FBXL13: variants seen among roughly 807,000 people sequenced by gnomAD.
FBXL13 encodes the protein F-box and leucine rich repeat protein 13, also known as F-box and leucine-rich repeat protein 13.
In FBXL13, 67 loss-of-function variants were observed where a neutral mutation model predicts 83.6. The observed-to-expected ratio is 0.80, with a 90% confidence interval of 0.66 to 0.98. The LOEUF (loss-of-function observed/expected upper bound fraction) is 0.98. Ranked by LOEUF, FBXL13 falls within the 50% of genes least tolerant of loss-of-function variation. FBXL13 has a pLI of 0.00. For missense variants in FBXL13, 822 were observed against 866.5 expected (o/e 0.95, Z 0.64); for synonymous variants, 272 against 299.5 (o/e 0.91, Z 0.95).
At chr7:103,043,566 T>C (rs920671950) in intron 2 of FBXL13, among the ~76,000 whole-genome samples, 4 of 152,182 alleles carry the variant, frequency 2.6e-5, no homozygotes, top group African/African-American at 9.6e-5. Context: ...GGCCGGAGTC[T>C]AATGGCATGA....
At chr7:102,914,717 G>C (rs887054756) in intron 10 of FBXL13, among the ~76,000 whole-genome samples, 2 of 152,244 alleles carry the variant, frequency 1.3e-5, no homozygotes, top group African/African-American at 2.4e-5. Flanking sequence ...GACAGAGCGA[G>C]GGGGAAGGCT....
At chr7:102,953,833 T>C (rs1170465139) in intron 8 of FBXL13, among the ~76,000 whole-genome samples, 1 of 152,186 alleles carries the variant, frequency 6.6e-6, no homozygotes, top group African/African-American at 2.4e-5. Context: ...GTCCATTTCC[T>C]TCCTTCAGAA....
chr7:102,919,661 A>G (rs1207567317), intron 10 of FBXL13, among the ~76,000 whole-genome samples: 1 of 152,232 alleles, frequency 6.6e-6, no homozygotes, highest in Non-Finnish European at 1.5e-5. Flanking sequence ...ATCAAAGTTT[A>G]TGGACCAATA....
chr7:102,954,535 C>T (rs999873033), intron 8 of FBXL13, among the ~76,000 whole-genome samples: 5 of 152,196 alleles, frequency 3.3e-5, no homozygotes, highest in African/African-American at 1.2e-4. Flanking sequence ...AACATTCACA[C>T]ATCACAATAT....
rs1159596470 is a variant in FBXL13 at position 103,028,440 on chromosome 7, T to C, written c.217+160A>G. Among the ~76,000 whole-genome samples, 6 of 152,198 alleles carry C rather than the reference T, an allele frequency of 3.9e-5. No individual in the cohort carries two copies. In the East Asian group the frequency reaches 1.2e-3, roughly 29 times the overall value. On this transcript the variant is annotated intron_variant, in intron 4 of 19. Transcript: ENST00000313221. ...TAAAATCCTTTGAGACAAATCTCCT[T>C]AAGTATTTTTAAATTAGCAGCTCTA...
chr7:102,948,656 C>A (rs956964186), intron 8 of FBXL13, among the ~76,000 whole-genome samples: 16 of 151,512 alleles, frequency 1.1e-4, no homozygotes, highest in Admixed American at 3.3e-4. Context: ...ATCTCCTGAC[C>A]TGTGATCTGC....
chr7:102,865,520 T>C (rs1358810710), intron 16 of FBXL13, among the ~76,000 whole-genome samples: 1 of 151,978 alleles, frequency 6.6e-6, no homozygotes, highest in Admixed American at 6.6e-5. Context: ...TTACTTATTT[T>C]TGTGTTTTTT....
chr7:102,937,120 A>ATGTG (rs1468841418), intron 8 of FBXL13, among the ~76,000 whole-genome samples: 40 of 152,216 alleles, frequency 2.6e-4, no homozygotes, highest in African/African-American at 8.9e-4. Flanking sequence ...CACTTAGTAT[A>ATGTG]TGTAACACTG....
intron 1 of FBXL13, among the ~76,000 whole-genome samples, chr7:103,063,748 T>C (rs2129500997): frequency 7.4e-6 from 1 of 134,392 alleles, no homozygotes; most frequent in African/African-American, 2.7e-5. Flanking sequence ...AGAGACAGTC[T>C]CTCACTATGT....
At position 103,070,612 on chromosome 7, in the gene FBXL13, C is replaced by T. The variant is rs1006380089; in HGVS notation, c.-105+3634G>A. 6.6e-5 allele frequency among the ~76,000 whole-genome samples: 10 copies of T among 151,838 alleles called. 1 individual carries two copies. The South Asian group carries it at 1.9e-3, about 28-fold the overall frequency. On this transcript the variant is annotated intron_variant, in intron 1 of 19. Coordinates refer to ENST00000313221, the Ensembl canonical transcript of FBXL13. ...AATTTATAAAGAAAAGAGTTGTATG[C>T]GGCTCAGGGTTCTGCAGGGTGTACA...
At chr7:103,038,655 C>T (rs1440007285) in intron 2 of FBXL13, among the ~76,000 whole-genome samples, 1 of 152,164 alleles carries the variant, frequency 6.6e-6, no homozygotes, top group East Asian at 1.9e-4. Context: ...CTGCAGCCTC[C>T]ACTGGTGATA....
chr7:102,915,809 A>G (rs929254087), intron 10 of FBXL13, among the ~76,000 whole-genome samples: 4 of 152,236 alleles, frequency 2.6e-5, no homozygotes, highest in Non-Finnish European at 4.4e-5. Flanking sequence ...GGCAGTTCTA[A>G]TAACTGCTGT....
intron 9 of FBXL13, among the ~76,000 whole-genome samples, chr7:102,930,368 C>T (rs1050443131): frequency 1.6e-4 from 25 of 152,226 alleles, no homozygotes; most frequent in African/African-American, 5.8e-4. Context: ...CCATCATCCT[C>T]TATAAACCTG....
intron 1 of FBXL13, among the ~76,000 whole-genome samples, chr7:103,068,114 A>C (rs994564955): frequency 2.6e-5 from 4 of 152,220 alleles, no homozygotes; most frequent in African/African-American, 9.6e-5. Context: ...GAACGGTGAA[A>C]GCAAAGATAA....
intron 2 of FBXL13, among the ~76,000 whole-genome samples, chr7:103,050,695 T>C (rs1249945195): frequency 6.6e-6 from 1 of 152,222 alleles, no homozygotes; most frequent in East Asian, 1.9e-4. Context: ...GACCCACTCA[T>C]TGCAATGACA....
At chr7:102,903,831 T>C (rs149986432) in intron 11 of FBXL13, among the ~76,000 whole-genome samples, 65 of 152,078 alleles carry the variant, frequency 4.3e-4, no homozygotes, top group Admixed American at 9.2e-4. Context: ...CTTGGTCATG[T>C]TGAATGATCT....
At chr7:102,917,829 T>C (rs1816203902) in intron 10 of FBXL13, among the ~76,000 whole-genome samples, 3 of 151,948 alleles carry the variant, frequency 2.0e-5, no homozygotes, top group Admixed American at 1.3e-4. Context: ...GTGCTGAGAG[T>C]GCCACCTAGG....
chr7:102,863,907 C>A (rs539127657), intron 16 of FBXL13, among the ~76,000 whole-genome samples: 59 of 152,276 alleles, frequency 3.9e-4, no homozygotes, highest in African/African-American at 1.3e-3. Flanking sequence ...AATGAATAAG[C>A]CCTACCAATG....
chr7:102,924,832 G>A (rs530175715), intron 10 of FBXL13, among the ~76,000 whole-genome samples: 6 of 151,698 alleles, frequency 4.0e-5, no homozygotes, highest in South Asian at 2.1e-4. Context: ...TAGTAGAGAC[G>A]GGGTTTCACC....
Sources: gnomAD v4.1 joint callset for allele counts (sites outside exome capture counted in the v4.1 genomes callset) on GRCh38, gnomAD v4.1.1 for gene constraint, MANE v1.5 for transcripts, NCBI Gene and HGNC (gene_info 2026-07-23, HGNC 2026-07-21) for gene names.